The following INSL6 variants were observed in gnomAD, a reference collection of about 807,000 sequenced individuals.
INSL6 encodes insulin-like peptide INSL6.
INSL6 carries 16 observed loss-of-function variants against 9.4 expected under a neutral mutation model. The ratio of observed to expected loss-of-function variants is 1.70; its 90% confidence interval spans 1.15 to 2.59. The LOEUF is 2.59. INSL6 is among the 30% of genes most tolerant of loss of function. INSL6 has a pLI of 0.00. For synonymous variants in INSL6, 154 were observed against 96.9 expected (o/e 1.59, Z -3.46); for missense variants, 391 against 257.3 (o/e 1.52, Z -3.56).
At chr9:5,037,271 A>T in the INSL6 span, among the ~76,000 whole-genome samples, 1 of 152,168 alleles carries the variant, frequency 6.6e-6, no homozygotes, top group African/African-American at 2.4e-5. Context: ...ACTGTAAACT[A>T]GTTCAACCAT....
the INSL6 span, chr9:5,113,519 G>A: frequency 6.5e-6 from 1 of 152,816 alleles, no homozygotes. Flanking sequence ...CTCCCCTGGT[G>A]GGCTGGTCTC....
chr9:5,049,086 T>G, the INSL6 span, among the ~76,000 whole-genome samples: 1 of 152,204 alleles, frequency 6.6e-6, no homozygotes, highest in Non-Finnish European at 1.5e-5. Flanking sequence ...GTTAATAAAG[T>G]TATCAGCCTT....
chr9:5,064,803 T>C, the INSL6 span: 1 of 1,055,628 alleles, frequency 9.5e-7, no homozygotes, highest in Admixed American at 2.6e-5. Context: ...GTATTTAACA[T>C]GGAATGAAGA....
At chr9:5,054,978 A>T in the INSL6 span, 1 of 877,172 alleles carries the variant, frequency 1.1e-6, no homozygotes, top group Non-Finnish European at 1.7e-6. The surrounding 1 kb of genome is among the most constrained non-coding windows in gnomAD (Gnocchi z 4.9). Flanking sequence ...ATGGTATTGC[A>T]CTTCTCCCAT....
the INSL6 span, among the ~76,000 whole-genome samples, chr9:5,007,710 T>C: frequency 6.6e-6 from 1 of 151,010 alleles, no homozygotes; most frequent in Non-Finnish European, 1.5e-5. Flanking sequence ...AGAATTATTA[T>C]TATTATTATA....
the INSL6 span, among the ~76,000 whole-genome samples, chr9:5,081,286 A>G: frequency 6.6e-6 from 1 of 151,144 alleles, no homozygotes; most frequent in South Asian, 2.1e-4. Flanking sequence ...ATTGACTTTT[A>G]AAAAACAATT....
intron 1 of INSL6, among the ~76,000 whole-genome samples, chr9:5,180,961 A>G (rs7029244): frequency 6.6e-6 from 1 of 151,960 alleles, no homozygotes; most frequent in African/African-American, 2.4e-5. Context: ...AAAAAACTTG[A>G]TGGTTTGAGG....
the INSL6 span, among the ~76,000 whole-genome samples, chr9:5,115,323 C>G: frequency 7.2e-5 from 11 of 152,158 alleles, no homozygotes; most frequent in African/African-American, 2.2e-4. Flanking sequence ...CTCATCATCA[C>G]TGGTCATCAG....
At chr9:5,170,625 T>A (rs1396655675) in intron 1 of INSL6, among the ~76,000 whole-genome samples, 4 of 139,270 alleles carry the variant, frequency 2.9e-5, no homozygotes, top group East Asian at 2.1e-4. Flanking sequence ...GAAAGAAGAA[T>A]CAAATAGACA....
At chr9:4,994,287 A>T in the INSL6 span, among the ~76,000 whole-genome samples, 2 of 152,306 alleles carry the variant, frequency 1.3e-5, no homozygotes, top group African/African-American at 2.4e-5. Flanking sequence ...GTTTCCAAGA[A>T]CCTATTGAAG....
chr9:5,176,936 A>C (rs1330880177), intron 1 of INSL6, among the ~76,000 whole-genome samples: 1 of 152,198 alleles, frequency 6.6e-6, no homozygotes, highest in Non-Finnish European at 1.5e-5. Context: ...GCTAAAGAAA[A>C]AAAAGTATTA....
At chr9:5,033,787 C>G in the INSL6 span, among the ~76,000 whole-genome samples, 1 of 152,068 alleles carries the variant, frequency 6.6e-6, no homozygotes, top group Non-Finnish European at 1.5e-5. Flanking sequence ...TGCAAAAACA[C>G]GCCAAATTGT....
chr9:5,146,602 C>T (rs1229506748), intron 2 of INSL6, among the ~76,000 whole-genome samples: 2 of 152,198 alleles, frequency 1.3e-5, no homozygotes, highest in African/African-American at 4.8e-5. Context: ...AAGGGTGGAG[C>T]ACTGGTGGGG....
intron 1 of INSL6, among the ~76,000 whole-genome samples, chr9:5,168,565 A>G (rs1423932442): frequency 6.6e-6 from 1 of 152,188 alleles, no homozygotes; most frequent in Non-Finnish European, 1.5e-5. Flanking sequence ...AAAACCTCCG[A>G]GAACTATGGG....
chr9:5,153,518 A>G (rs1032176787), intron 2 of INSL6, among the ~76,000 whole-genome samples: 3 of 152,252 alleles, frequency 2.0e-5, no homozygotes, highest in African/African-American at 7.2e-5. Flanking sequence ...GTATTCAATT[A>G]GGAAAAGAGG....
chr9:5,118,532 A>T, the INSL6 span, among the ~76,000 whole-genome samples: 1 of 152,204 alleles, frequency 6.6e-6, no homozygotes, highest in Non-Finnish European at 1.5e-5. Context: ...TGCTTTAAAA[A>T]TTTTATTGGT....
the INSL6 span, chr9:5,110,173 T>A: frequency 6.6e-6 from 1 of 152,346 alleles, no homozygotes; most frequent in South Asian, 2.1e-4. Flanking sequence ...CCATCCGCCA[T>A]AGAAGGCCCA....
chr9:5,021,682 G>A, the INSL6 span, among the ~76,000 whole-genome samples: 7 of 152,044 alleles, frequency 4.6e-5, no homozygotes, highest in East Asian at 1.9e-4. Context: ...ACTGGAGTGC[G>A]GTGGAGTGCG....
chr9:5,121,045 A>C (rs1236219634), downstream of INSL6, among the ~76,000 whole-genome samples: 1 of 152,140 alleles, frequency 6.6e-6, no homozygotes, highest in East Asian at 1.9e-4. Flanking sequence ...AAAGTTTTTA[A>C]CCAAGAGAGG....
Sources: allele counts gnomAD v4.1 joint callset (sites outside exome capture counted in the v4.1 genomes callset), GRCh38; gene constraint gnomAD v4.1.1; non-coding constraint Gnocchi (gnomAD v3.1); transcripts MANE v1.5; gene names NCBI Gene and HGNC (gene_info 2026-07-23, HGNC 2026-07-21).